TUT4: variants seen among roughly 807,000 people sequenced by gnomAD.
TUT4 encodes the protein terminal uridylyl transferase 4, also known as terminal uridylyltransferase 4.
TUT4 carries 36 observed loss-of-function variants against 192.2 expected under a neutral mutation model. The ratio of observed to expected loss-of-function variants is 0.19; its 90% CI spans 0.14 to 0.25. TUT4 has a LOEUF of 0.25. TUT4 is among the 10% of genes least tolerant of loss of function. The pLI is 1.00. For missense variants in TUT4, 1,493 were observed against 1,957.2 expected, an observed-to-expected ratio of 0.76 and a Z score of 4.47; for synonymous variants, 618 against 666.0, an observed-to-expected ratio of 0.93 and a Z score of 1.11.
chr1:52,499,194 T>A, intron 4 of TUT4, among the ~76,000 whole-genome samples: 1 of 150,446 alleles, frequency 6.6e-6, no homozygotes, highest in Non-Finnish European at 1.5e-5. Context: ...AGGTCAGGAG[T>A]TCGAGACCAG....
chr1:52,498,240 C>CT (rs556089149), intron 4 of TUT4, among the ~76,000 whole-genome samples: 3,114 of 119,390 alleles, frequency 0.026, 185 homozygotes, highest in African/African-American at 0.068. Flanking sequence ...AGTTTCAGTA[C>CT]TTTTTTTTTT....
rs1376176691 is a variant in TUT4, at chr1:52,545,075, A to C, written c.-94+7856T>G. On this transcript the variant is annotated intron_variant, in intron 1 of 29. Coordinates refer to ENST00000257177, the MANE Select transcript of TUT4 (RefSeq NM_001009881.3). ...TTGTCCCCAAAAAAAAAAAAAAGCC[A>C]GAAAAGAAACAGAGTAAAGGCCAGG... Among the ~76,000 whole-genome samples the C allele has an allele frequency of 2.0e-5, 3 of 146,988 alleles. No individual in the cohort carries two copies. In the East Asian group the frequency reaches 6.1e-4, roughly 30 times the overall value.
chr1:52,541,208 TAAAA>T (rs548079594), intron 1 of TUT4, among the ~76,000 whole-genome samples: 1 of 84,594 alleles, frequency 1.2e-5, no homozygotes. Context: ...GACTCTGTCT[TAAAA>T]AAAAAAAAAA....
At chr1:52,533,234 G>A (rs565788699) in intron 1 of TUT4, among the ~76,000 whole-genome samples, 6 of 152,176 alleles carry the variant, frequency 3.9e-5, no homozygotes, top group Non-Finnish European at 7.3e-5. Flanking sequence ...ACTATTATAT[G>A]AGAAAGGAAT....
intron 28 of TUT4, among the ~76,000 whole-genome samples, chr1:52,429,602 AT>A (rs1229514473): frequency 6.1e-5 from 9 of 147,032 alleles, no homozygotes; most frequent in African/African-American, 7.5e-5. Flanking sequence ...TTATTTATTT[AT>A]TTTTTTTTGA....
At chr1:52,481,985 A>G (rs1456364558) in intron 9 of TUT4, 62 bp from the exon 10 acceptor site, 1 of 1,385,716 alleles carries the variant, frequency 7.2e-7, no homozygotes, top group Non-Finnish European at 9.4e-7. Context: ...TGATAAAAGT[A>G]GCTTGCTTTT....
intron 15 of TUT4, among the ~76,000 whole-genome samples, chr1:52,465,590 C>T (rs146006728): frequency 1.3e-5 from 2 of 152,346 alleles, no homozygotes; most frequent in East Asian, 3.9e-4. Context: ...TTCCGACTTA[C>T]ATAATAAATC....
chr1:52,429,616 G>A (rs1651359394), intron 28 of TUT4, among the ~76,000 whole-genome samples: 1 of 149,596 alleles, frequency 6.7e-6, no homozygotes, highest in Non-Finnish European at 1.5e-5. Context: ...TTTTTTGAGA[G>A]AGTCTCACTC....
At chr1:52,443,142 G>C (rs1015409166) in intron 24 of TUT4, among the ~76,000 whole-genome samples, 21 of 152,014 alleles carry the variant, frequency 1.4e-4, no homozygotes, top group South Asian at 6.2e-4. Context: ...AATTAGCTGG[G>C]CGTAGTGGCA....
At chr1:52,539,660 GC>G (rs1256548077) in intron 1 of TUT4, among the ~76,000 whole-genome samples, 1 of 152,102 alleles carries the variant, frequency 6.6e-6, no homozygotes, top group East Asian at 1.9e-4. Flanking sequence ...GGAGGCCGAG[GC>G]GGCCTGAAAT....
Position 52,458,356 on chromosome 1 carries a change from C to G in TUT4, c.3415G>C (p.Val1139Leu). 1 of 1,613,660 alleles carries G rather than the reference C, an allele frequency of 6.2e-7. No homozygotes were observed. The highest frequency in any genetic ancestry group is 8.5e-7 in the Non-Finnish European group (1 of 1,179,786). ...CCTACCTCTTGTAGAACTGGGATAA[C>G]AGGTGGCTTTCTCTGCTGCAGAAAG... is the stretch of plus-strand genomic sequence containing the variant. The part of the protein sequence containing the change: ...LYFLQQRKPP[V>L]IPVLQEIFDG... The change falls in exon 20 of 30, where the codon GTT becomes CTT. Residue 1139 changes from valine (V) to leucine (L), a missense_variant. Val to Leu is a conservative substitution (Grantham distance 32). Around this residue, in one of 7 missense-constraint regions of TUT4, gnomAD observed 141 missense variants for 382.7 expected, o/e 0.37. Transcript: ENST00000257177.
At chr1:52,446,701 C>T (rs1428384691) in intron 20 of TUT4, 34 bp from the exon 21 acceptor site, 3 of 1,525,896 alleles carry the variant, frequency 2.0e-6, no homozygotes, top group East Asian at 2.3e-5. Flanking sequence ...TATTAGATTT[C>T]AAGTGATCCA....
chr1:52,475,856 T>G (rs144193930), intron 12 of TUT4, among the ~76,000 whole-genome samples: 704 of 152,266 alleles, frequency 4.6e-3, no homozygotes, highest in African/African-American at 0.016. Context: ...GTTTTTTTTT[T>G]TCTTTTGAGA....
rs974564479 is a variant in TUT4, at chr1:52,553,007, T to TGCC, written c.-173_-171dup. 4 of 157,410 alleles carry TGCC rather than the reference T, an allele frequency of 2.5e-5. No homozygotes were observed. The highest frequency in any genetic ancestry group is 9.7e-5 in the African/African-American group (4 of 41,362). 9.8% of individuals were successfully genotyped at this position (157,410 alleles called of 1,614,324 possible). A position where few individuals can be genotyped will look rare whatever the true frequency, so the allele number is the denominator to read the frequency against. On this transcript the variant is annotated 5_prime_UTR_variant, in exon 1 of 30. Coordinates refer to ENST00000257177, the MANE Select transcript of TUT4 (RefSeq NM_001009881.3). Reference sequence around the variant, plus strand: ...CTCCTGCTCTCCCTCCGCCTCCTGCTGCCGCCGCCGTCGCCGCTGCCGCCG... The same window carrying TGCC: ...CTCCTGCTCTCCCTCCGCCTCCTGCTGCCGCCGCCGCCGTCGCCGCTGCCGCCG...
At chr1:52,469,586 T>C (rs1665128877) in intron 14 of TUT4, among the ~76,000 whole-genome samples, 1 of 152,066 alleles carries the variant, frequency 6.6e-6, no homozygotes, top group South Asian at 2.1e-4. Context: ...TTTGGTTTAA[T>C]ACAGATAAGA....
chr1:52,425,116 T>G, intron 29 of TUT4: 1 of 374,832 alleles, frequency 2.7e-6, no homozygotes, highest in Non-Finnish European at 4.7e-6. Context: ...GTTAACTGAT[T>G]CATCTAAACT....
chr1:52,484,879 G>A (rs57663833), intron 9 of TUT4, among the ~76,000 whole-genome samples: 9,314 of 152,232 alleles, frequency 0.061, 309 homozygotes, highest in South Asian at 0.086. Context: ...GCTATTACCC[G>A]TCTGAGCTTA....
At chr1:52,549,300 CCAAT>C (rs1424546673) in intron 1 of TUT4, among the ~76,000 whole-genome samples, 2 of 152,198 alleles carry the variant, frequency 1.3e-5, no homozygotes, top group African/African-American at 4.8e-5. Context: ...TTTGCTACTT[CCAAT>C]CATTTATCTC....
chr1:52,513,085 T>C (rs1428628530), intron 3 of TUT4, among the ~76,000 whole-genome samples: 1 of 148,952 alleles, frequency 6.7e-6, no homozygotes, highest in African/African-American at 2.5e-5. Flanking sequence ...ACCGCGCCAC[T>C]GCACTCCAGC....
Sources: allele counts gnomAD v4.1 joint callset (sites outside exome capture counted in the v4.1 genomes callset), GRCh38; gene constraint gnomAD v4.1.1; regional missense constraint gnomAD v4.1.1; transcripts MANE v1.5; gene names NCBI Gene and HGNC (gene_info 2026-07-23, HGNC 2026-07-21).